The following GRIP1 variants were observed in gnomAD, a reference collection of about 807,000 sequenced individuals.
GRIP1 encodes glutamate receptor-interacting protein 1.
Under a neutral mutation model 129.9 loss-of-function variants are expected in GRIP1, and 45 were observed. The observed-to-expected ratio is 0.35, with a 90% confidence interval of 0.27 to 0.44. The LOEUF is 0.44. Among genes scored for constraint, GRIP1 ranks in the 20% least tolerant of loss-of-function variants. The pLI is 1.00. For missense variants in GRIP1, 1,196 were observed against 1,396.8 expected (o/e 0.86, Z 2.29); for synonymous variants, 530 against 520.8 (o/e 1.02, Z -0.24).
chr12:66,430,928 T>C (rs974421492), intron 14 of GRIP1, among the ~76,000 whole-genome samples: 1 of 152,064 alleles, frequency 6.6e-6, no homozygotes, highest in African/African-American at 2.4e-5. Flanking sequence ...TCAGAATGCA[T>C]TTGTTGAGGG....
intron 2 of GRIP1, among the ~76,000 whole-genome samples, chr12:66,556,098 G>T (rs10784554): frequency 6.6e-6 from 1 of 151,712 alleles, no homozygotes; most frequent in Non-Finnish European, 1.5e-5. Flanking sequence ...AACAGATTGA[G>T]CCCAAAGAAG....
chr12:66,642,286 A>T (rs10878482), intron 1 of GRIP1, among the ~76,000 whole-genome samples: 55,114 of 119,442 alleles, frequency 0.46, 11,390 homozygotes, highest in African/African-American at 0.64. Flanking sequence ...GAACTCCAGC[A>T]AGAGGGAACT....
At chr12:66,834,686 G>C (rs2039579028) in intron 1 of GRIP1, among the ~76,000 whole-genome samples, 1 of 152,192 alleles carries the variant, frequency 6.6e-6, no homozygotes, top group Non-Finnish European at 1.5e-5. Context: ...CAATTGGCTG[G>C]AGTGTATGGA....
At chr12:66,788,390 G>C (rs2038425700) in intron 1 of GRIP1, among the ~76,000 whole-genome samples, 1 of 151,782 alleles carries the variant, frequency 6.6e-6, no homozygotes. Context: ...AATAAGGTAG[G>C]CAGTATTCGG....
chr12:66,490,839 C>A (rs1473792213), intron 7 of GRIP1, among the ~76,000 whole-genome samples: 1 of 151,852 alleles, frequency 6.6e-6, no homozygotes, highest in African/African-American at 2.4e-5. Flanking sequence ...CATTCATGCA[C>A]ACAACAAACA....
intron 1 of GRIP1, among the ~76,000 whole-genome samples, chr12:67,038,405 A>G (rs2043129801): frequency 6.6e-6 from 1 of 152,186 alleles, no homozygotes; most frequent in South Asian, 2.1e-4. Flanking sequence ...CAATAAAAAC[A>G]CTTGACTACT....
At chr12:66,879,406 C>A (rs1322927607) in intron 1 of GRIP1, among the ~76,000 whole-genome samples, 1 of 152,096 alleles carries the variant, frequency 6.6e-6, no homozygotes, top group African/African-American at 2.4e-5. Context: ...GGTATTATTT[C>A]TATCATTCAT....
At chr12:66,936,867 G>A (rs1192456323) in intron 1 of GRIP1, among the ~76,000 whole-genome samples, 2 of 152,134 alleles carry the variant, frequency 1.3e-5, no homozygotes, top group East Asian at 3.9e-4. Context: ...CAGGATACCT[G>A]GGTCCAGGGT....
chr12:66,367,320 G>T (rs1565670342), intron 23 of GRIP1, among the ~76,000 whole-genome samples: 1 of 152,168 alleles, frequency 6.6e-6, no homozygotes, highest in East Asian at 1.9e-4. Flanking sequence ...CTGCCACCCA[G>T]CTGTTGCCTA....
At chr12:66,945,817 C>G (rs2041659240) in intron 1 of GRIP1, among the ~76,000 whole-genome samples, 1 of 152,224 alleles carries the variant, frequency 6.6e-6, no homozygotes, top group African/African-American at 2.4e-5. Flanking sequence ...GCTCAAACCT[C>G]CATTCCACAT....
chr12:67,055,220 T>G (rs1460908679), intron 1 of GRIP1, among the ~76,000 whole-genome samples: 1 of 152,190 alleles, frequency 6.6e-6, no homozygotes, highest in Non-Finnish European at 1.5e-5. Flanking sequence ...CATGTTTGTA[T>G]GCTGGAAATA....
intron 10 of GRIP1, 144 bp from the exon 11 acceptor site, chr12:66,455,708 T>G: frequency 1.4e-6 from 1 of 737,410 alleles, no homozygotes; most frequent in Non-Finnish European, 2.4e-6. Context: ...AGGCCAGCTC[T>G]CAGGAGCATG....
intron 1 of GRIP1, among the ~76,000 whole-genome samples, chr12:66,813,099 G>A (rs1412698734): frequency 2.0e-5 from 3 of 152,144 alleles, no homozygotes; most frequent in Non-Finnish European, 4.4e-5. Flanking sequence ...AAGAAAAGAG[G>A]ATTATTTTGG....
At chr12:66,842,036 T>A (rs903822733) in intron 1 of GRIP1, among the ~76,000 whole-genome samples, 1 of 152,172 alleles carries the variant, frequency 6.6e-6, no homozygotes, top group Non-Finnish European at 1.5e-5. Context: ...CCTCCCATTA[T>A]GGAGATTAAT....
At chr12:66,950,253 T>C (rs543496190) in intron 1 of GRIP1, among the ~76,000 whole-genome samples, 1 of 152,316 alleles carries the variant, frequency 6.6e-6, no homozygotes, top group East Asian at 1.9e-4. Flanking sequence ...AAACAGCTAA[T>C]AGTTCTCAAA....
chr12:66,874,419 G>T (rs1347435849), intron 1 of GRIP1, among the ~76,000 whole-genome samples: 1 of 151,806 alleles, frequency 6.6e-6, no homozygotes, highest in African/African-American at 2.4e-5. Context: ...AACTTCTGAA[G>T]ACTTATGTTT....
rs750568069 is a variant in GRIP1 at position 66,539,071 on chromosome 12, T to G, written c.418+7A>C. 4 of 1,613,006 alleles carry G rather than the reference T, an allele frequency of 2.5e-6. No individual in the cohort carries two copies. The highest frequency in any genetic ancestry group is 3.4e-6 in the Non-Finnish European group (4 of 1,178,984). On this transcript the variant is annotated splice_region_variant and intron_variant, in intron 4 of 24. Transcript: ENST00000359742. Reference sequence around the variant, plus strand: ...CCCCTATGGATAAGGGGGGCTACTGTACTTACAGACCGGTGGAAGCTCGTA... The same window carrying G: ...CCCCTATGGATAAGGGGGGCTACTGGACTTACAGACCGGTGGAAGCTCGTA...
At chr12:66,952,489 C>A (rs1161856591) in intron 1 of GRIP1, among the ~76,000 whole-genome samples, 2 of 152,128 alleles carry the variant, frequency 1.3e-5, no homozygotes, top group Non-Finnish European at 2.9e-5. Flanking sequence ...TTACAAATGG[C>A]TTACTGAGAC....
Position 66,560,191 on chromosome 12 carries a change from T to C in GRIP1, c.137-18241A>G, listed in dbSNP as rs1203304760. On this transcript the variant is annotated intron_variant, in intron 2 of 24. Coordinates refer to ENST00000359742, the MANE Select transcript of GRIP1 (RefSeq NM_001366722.1). Reference sequence around the variant, plus strand: ...AATCAAAGTGGATTAAAGAATTAAATCCCAGACCTCAAATTATGAAAGTAC... The same window carrying C: ...AATCAAAGTGGATTAAAGAATTAAACCCCAGACCTCAAATTATGAAAGTAC... Among the ~76,000 whole-genome samples the C allele has an allele frequency of 2.0e-5, 3 of 152,070 alleles. No homozygotes were observed. The South Asian group carries it at 6.2e-4, about 31-fold the overall frequency.
Sources: gnomAD v4.1 joint callset for allele counts (sites outside exome capture counted in the v4.1 genomes callset) on GRCh38, gnomAD v4.1.1 for gene constraint, MANE v1.5 for transcripts, NCBI Gene and HGNC (gene_info 2026-07-23, HGNC 2026-07-21) for gene names.